Variants in RPRD1B observed in about 807,000 individuals in gnomAD.
RPRD1B encodes the protein regulation of nuclear pre-mRNA domain-containing protein 1B.
Under a neutral mutation model 41.5 loss-of-function variants are expected in RPRD1B, and 11 were observed. The observed-to-expected ratio is 0.27, with a 90% CI of 0.17 to 0.44. The LOEUF (loss-of-function observed/expected upper bound fraction) is 0.44. Among genes scored for constraint, RPRD1B ranks in the 20% least tolerant of loss-of-function variants. The pLI, the probability that RPRD1B is intolerant of heterozygous loss-of-function variation, is 1.00. For synonymous variants in RPRD1B, 158 were observed against 155.6 expected (o/e 1.02, Z -0.12); for missense variants, 248 against 389.9 (o/e 0.64, Z 3.06).
intron 2 of RPRD1B, among the ~76,000 whole-genome samples, chr20:38,047,798 C>T (rs1464453687): frequency 6.6e-6 from 1 of 152,074 alleles, no homozygotes; most frequent in Non-Finnish European, 1.5e-5. Context: ...TTGTGTGAAC[C>T]TGGACTATGG....
intron 6 of RPRD1B, among the ~76,000 whole-genome samples, chr20:38,076,803 A>AC (rs1240824364): frequency 2.0e-5 from 3 of 148,812 alleles, no homozygotes; most frequent in Non-Finnish European, 3.0e-5. Flanking sequence ...GTTTCTGTGT[A>AC]CCACCCTCTG....
At chr20:38,079,691 G>A (rs559486485) in intron 6 of RPRD1B, among the ~76,000 whole-genome samples, 6 of 152,212 alleles carry the variant, frequency 3.9e-5, no homozygotes, top group South Asian at 4.1e-4. Context: ...ACTTAGGCAT[G>A]CATGTGTCTT....
intron 1 of RPRD1B, among the ~76,000 whole-genome samples, chr20:38,034,540 C>T (rs2046950814): frequency 6.6e-6 from 1 of 152,180 alleles, no homozygotes; most frequent in South Asian, 2.1e-4. Flanking sequence ...TTCTTCATCT[C>T]CCTGTGTCTC....
intron 1 of RPRD1B, among the ~76,000 whole-genome samples, chr20:38,036,522 G>T (rs1056116313): frequency 2.0e-5 from 3 of 152,182 alleles, no homozygotes; most frequent in Non-Finnish European, 2.9e-5. Flanking sequence ...TATGTTTTGA[G>T]AGAGGAACTA....
At chr20:38,043,241 G>A (rs1353451667) in intron 2 of RPRD1B, among the ~76,000 whole-genome samples, 2 of 152,210 alleles carry the variant, frequency 1.3e-5, no homozygotes, top group Non-Finnish European at 2.9e-5. Flanking sequence ...CATGCGAAGC[G>A]GGAGCAGCTA....
chr20:38,076,750 G>C (rs1160184463), intron 6 of RPRD1B, among the ~76,000 whole-genome samples: 2 of 147,830 alleles, frequency 1.4e-5, no homozygotes, highest in African/African-American at 5.0e-5. Flanking sequence ...GGCCCTGTCT[G>C]CAGCATTTAA....
In RPRD1B at chr20:38,091,328, C is replaced by T. The variant is rs2074610091; in HGVS notation, c.*1453C>T. 4.4e-6 allele frequency: 4 copies of T among 903,430 alleles called. No homozygotes were observed. The highest frequency in any genetic ancestry group is 2.3e-4 in the East Asian group (2 of 8,574). 56.0% of individuals were successfully genotyped at this position (903,430 alleles called of 1,614,324 possible). A position where few individuals can be genotyped will look rare whatever the true frequency, so the allele number is the denominator to read the frequency against. ...ATTTTACATGTTAAACACATTGAAA[C>T]ATAACCTATGTTTATAAAGCATAAC... On this transcript the variant is annotated 3_prime_UTR_variant, in exon 7 of 7. Coordinates refer to ENST00000373433, the MANE Select transcript of RPRD1B (RefSeq NM_021215.4).
rs1485265801 is a variant in RPRD1B, at chr20:38,033,781, C to T, written c.-167C>T. ...CATCTTGTGGCGGCGGCGCGGGCGG[C>T]TGTTACTGCGGAGACCCATCCCCTC... On this transcript the variant is annotated 5_prime_UTR_variant, in exon 1 of 7. Transcript: ENST00000373433. 1.1e-5 allele frequency: 7 copies of T among 624,930 alleles called. No homozygotes were observed. The highest frequency in any genetic ancestry group is 3.4e-5 in the Admixed American group (1 of 29,016). The allele number at this position is 624,930 out of a possible 1,614,324, so 38.7% of individuals were successfully genotyped here.
At chr20:38,075,835 G>A (rs1159604916) in intron 6 of RPRD1B, among the ~76,000 whole-genome samples, 1 of 152,222 alleles carries the variant, frequency 6.6e-6, no homozygotes, top group Non-Finnish European at 1.5e-5. Flanking sequence ...TGAAGAGGAT[G>A]GTACTAGCCA....
chr20:38,090,629 G>T lies in RPRD1B; in HGVS notation c.*754G>T. 2.0e-6 allele frequency: 2 copies of T among 985,436 alleles called. No individual in the cohort carries two copies. Among genetic ancestry groups the T allele is most frequent in the Non-Finnish European group, 2.4e-6 (2 of 829,920 alleles). 61.0% of individuals were successfully genotyped at this position (985,436 alleles called of 1,614,324 possible). A position where few individuals can be genotyped will look rare whatever the true frequency, so the allele number is the denominator to read the frequency against. On this transcript the variant is annotated 3_prime_UTR_variant, in exon 7 of 7. Coordinates refer to ENST00000373433, the MANE Select transcript of RPRD1B (RefSeq NM_021215.4). Reference sequence around the variant, plus strand: ...TCCCATGCTGCACTTCTCCACTGTCGGAGCACGTTCCGAAAAACAGAATGC... The same window carrying T: ...TCCCATGCTGCACTTCTCCACTGTCTGAGCACGTTCCGAAAAACAGAATGC...
chr20:38,064,715 A>G (rs1305619375), intron 5 of RPRD1B, among the ~76,000 whole-genome samples: 2 of 152,236 alleles, frequency 1.3e-5, no homozygotes, highest in African/African-American at 4.8e-5. Flanking sequence ...AGCATGAGTT[A>G]CAACCCATTA....
intron 3 of RPRD1B, among the ~76,000 whole-genome samples, chr20:38,052,244 A>G (rs778052090): frequency 2.9e-4 from 44 of 152,344 alleles, no homozygotes; most frequent in Non-Finnish European, 4.7e-4. Flanking sequence ...TGCCAGTTCT[A>G]GTATCTAATG....
intron 6 of RPRD1B, among the ~76,000 whole-genome samples, chr20:38,073,307 C>G (rs898763559): frequency 2.8e-4 from 42 of 152,218 alleles, no homozygotes; most frequent in Non-Finnish European, 5.9e-5. Context: ...TGCTCACGCT[C>G]TTGCTCTGAT....
At chr20:38,070,802 G>A in intron 6 of RPRD1B, 1 of 876,376 alleles carries the variant, frequency 1.1e-6, no homozygotes, top group African/African-American at 1.9e-5. Context: ...GTGCAGTAGA[G>A]CAATCTGAGC....
In RPRD1B at chr20:38,040,903, C is replaced by G. The variant is rs181839715; in HGVS notation, c.281+339C>G. On this transcript the variant is annotated intron_variant, in intron 2 of 6. Transcript: ENST00000373433. ...AAAACAAAGCTAACTAGTAAGGGAA[C>G]CTTTTAGTAACATAACTTAATAGCA... 8.6e-3 allele frequency among the ~76,000 whole-genome samples: 1,306 copies of G among 152,296 alleles called. 20 individuals carry two copies. Among genetic ancestry groups the G allele is most frequent in the African/African-American group, 0.028 (1,165 of 41,556 alleles).
At chr20:38,089,557 T>A (rs1346394641) in intron 6 of RPRD1B, among the ~76,000 whole-genome samples, 169 bp from the exon 7 acceptor site, 2 of 152,186 alleles carry the variant, frequency 1.3e-5, no homozygotes, top group Non-Finnish European at 1.5e-5. Flanking sequence ...TAGAAAGTTT[T>A]GCCTTTTGAG....
chr20:38,089,888 G>T lies in RPRD1B; in HGVS notation c.*13G>T. The T allele has an allele frequency of 6.2e-7, 1 of 1,608,200 alleles. No individual in the cohort carries two copies. The highest frequency in any genetic ancestry group is 1.1e-5 in the South Asian group (1 of 90,784). ...TTCAACTGACTAGGATGGGTGTCAT[G>T]TCCCAGATTTCTGTTTGTACCAGCA... On this transcript the variant is annotated 3_prime_UTR_variant, in exon 7 of 7. Coordinates refer to ENST00000373433, the MANE Select transcript of RPRD1B (RefSeq NM_021215.4).
chr20:38,060,673 G>A (rs903617186), intron 5 of RPRD1B, among the ~76,000 whole-genome samples: 3 of 152,128 alleles, frequency 2.0e-5, no homozygotes, highest in Non-Finnish European at 4.4e-5. Context: ...GGCGTACTGG[G>A]TTGGAGAACA....
At chr20:38,089,620 G>C in intron 6 of RPRD1B, 106 bp from the exon 7 acceptor site, 1 of 878,560 alleles carries the variant, frequency 1.1e-6, no homozygotes, top group African/African-American at 1.7e-5. Flanking sequence ...CAGGCTGGTG[G>C]GGACAAGGAA....
Sources: allele counts gnomAD v4.1 joint callset (sites outside exome capture counted in the v4.1 genomes callset), GRCh38; gene constraint gnomAD v4.1.1; transcripts MANE v1.5; gene names NCBI Gene and HGNC (gene_info 2026-07-23, HGNC 2026-07-21).